FICD: variants seen among roughly 807,000 people sequenced by gnomAD.
FICD encodes FIC domain protein adenylyltransferase, also known as protein adenylyltransferase FICD.
FICD carries 13 observed loss-of-function variants against 28.0 expected under a neutral mutation model. The observed-to-expected ratio is 0.46, with a 90% CI of 0.30 to 0.74. FICD has a LOEUF of 0.74. Ranked by LOEUF, FICD falls within the 30% of genes least tolerant of loss-of-function variation. FICD has a pLI of 0.07. For missense variants in FICD, 576 were observed against 624.5 expected (o/e 0.92, Z 0.83); for synonymous variants, 268 against 266.4 (o/e 1.01, Z -0.06).
Position 108,518,410 on chromosome 12 carries a change from G to T in FICD, c.312G>T (p.Leu104Phe). The change falls in exon 3 of 3, where the codon TTG (leucine) becomes TTT (phenylalanine). Residue 104 changes from leucine to phenylalanine, a missense_variant. Physicochemically the swap from Leu to Phe is conservative, Grantham distance 22. Transcript: ENST00000552695. The surrounding 1 kb of genome is among the most constrained non-coding windows in gnomAD (Gnocchi z 4.4). The stretch of plus-strand genomic sequence containing the variant: ...TTGGCTCTCTTCCAGCGGGTAAGTT[G>T]GAAGCCAGAGCTGCCCTGAACCAGG... ...AKTKASPAGK[L>F]EARAALNQAL... The T allele has an allele frequency of 6.2e-7, 1 of 1,613,830 alleles. No homozygotes were observed. Among genetic ancestry groups the T allele is most frequent in the Non-Finnish European group, 8.5e-7 (1 of 1,179,780 alleles).
chr12:108,519,499 G>A lies in FICD; in HGVS notation c.*24G>A. ...AACCCTAGAAATCCTCAGTGACAAA[G>A]GCTGTCCTGAGGTAGGAAAAAAAAA... On this transcript the variant is annotated 3_prime_UTR_variant, in exon 3 of 3. Coordinates refer to ENST00000552695, the MANE Select transcript of FICD (RefSeq NM_007076.3). This position sits in a 1 kb window ranked among gnomAD's most constrained non-coding sequence, Gnocchi z 4.5. 6.7e-7 allele frequency: 1 copy of A among 1,498,702 alleles called. No individual in the cohort carries two copies. Among genetic ancestry groups the A allele is most frequent in the Non-Finnish European group, 9.1e-7 (1 of 1,096,092 alleles). 92.8% of individuals were successfully genotyped at this position (1,498,702 alleles called of 1,614,324 possible). A position where few individuals can be genotyped will look rare whatever the true frequency, so the allele number is the denominator to read the frequency against.
At position 108,515,376 on chromosome 12, in the gene FICD, A is replaced by C. The variant is rs1410834873; in HGVS notation, c.-59+15A>C. 3.9e-5 allele frequency: 6 copies of C among 152,136 alleles called. No homozygotes were observed. The highest frequency in any genetic ancestry group is 1.4e-4 in the African/African-American group (6 of 41,392). The allele number at this position is 152,136 out of a possible 1,614,324, so 9.4% of individuals were successfully genotyped here. A position where few individuals can be genotyped will look rare whatever the true frequency, so the allele number is the denominator to read the frequency against. ...AGCTGCGCGCGGTGAGAAGGGGAAA[A>C]GCCCTAGGGGCTCGAGAGGATGAAG... is the stretch of plus-strand genomic sequence containing the variant. On this transcript the variant is annotated intron_variant, in intron 1 of 2. Transcript: ENST00000552695.
In FICD at chr12:108,518,097, T is replaced by G. The variant is rs571992748; in HGVS notation, c.302-303T>G. 1 of 701,826 alleles carries G rather than the reference T, an allele frequency of 1.4e-6. No homozygotes were observed. Among genetic ancestry groups the G allele is most frequent in the African/African-American group, 1.7e-5 (1 of 57,314 alleles). 43.5% of individuals were successfully genotyped at this position (701,826 alleles called of 1,614,324 possible). ...GCAGAGAGGGCCCAGGCGAAGTAAA[T>G]GCCTAGAACTTTCTATGTCCAGAAA... On this transcript the variant is annotated intron_variant, in intron 2 of 2. Coordinates refer to ENST00000552695, the MANE Select transcript of FICD (RefSeq NM_007076.3). The surrounding 1 kb of genome is among the most constrained non-coding windows in gnomAD (Gnocchi z 4.4).
chr12:108,517,918 C>T (rs1344767436), intron 2 of FICD, among the ~76,000 whole-genome samples: 1 of 152,124 alleles, frequency 6.6e-6, no homozygotes, highest in African/African-American at 2.4e-5. Context: ...AAGAACAGTC[C>T]CGGGATGGTT....
At chr12:108,516,043 C>T (rs1023557990) in intron 1 of FICD, among the ~76,000 whole-genome samples, 44 of 152,210 alleles carry the variant, frequency 2.9e-4, no homozygotes, top group African/African-American at 1.1e-3. Flanking sequence ...CTGCTCAGCA[C>T]CTAGGACACC....
chr12:108,519,188 C>G lies in FICD; in HGVS notation c.1090C>G (p.Pro364Ala). ...LAHYKLVYIH[P>A]FIDGNGRTSR... ...CCATTATAAACTCGTTTACATCCAC[C>G]CTTTCATTGATGGCAACGGGAGGAC... Residue 364 changes from proline (P) to alanine (A), a missense_variant, in exon 3 of 3, where the codon CCT becomes GCT. By Grantham distance (27) the Pro-to-Ala change is conservative. Coordinates refer to ENST00000552695, the MANE Select transcript of FICD (RefSeq NM_007076.3). This position sits in a 1 kb window ranked among gnomAD's most constrained non-coding sequence, Gnocchi z 4.5. 2.5e-6 allele frequency: 4 copies of G among 1,614,244 alleles called. No individual in the cohort carries two copies. Among genetic ancestry groups the G allele is most frequent in the Non-Finnish European group, 3.4e-6 (4 of 1,180,034 alleles).
rs984575548 is a variant in FICD, at chr12:108,520,561, G to A, written c.*1086G>A. On this transcript the variant is annotated 3_prime_UTR_variant, in exon 3 of 3. Coordinates refer to ENST00000552695, the MANE Select transcript of FICD (RefSeq NM_007076.3). ...ACTGTCCCGTGTCCCATCCCCCTGG[G>A]AGGCAGAAGAGATTGCCTCGGAGTG... 1 of 152,218 alleles carries A rather than the reference G, an allele frequency of 6.6e-6. No individual in the cohort carries two copies. Among genetic ancestry groups the A allele is most frequent in the Non-Finnish European group, 1.5e-5 (1 of 68,050 alleles). 9.4% of individuals were successfully genotyped at this position (152,218 alleles called of 1,614,324 possible).
chr12:108,519,380 AC>A lies in FICD; in HGVS notation c.1285del (p.Leu429CysfsTer28), dbSNP rs761229130. The A allele has an allele frequency of 6.2e-7, 1 of 1,613,938 alleles. No individual in the cohort carries two copies. Among genetic ancestry groups the A allele is most frequent in the East Asian group, 2.2e-5 (1 of 44,860 alleles). Reference sequence around the variant, plus strand: ...CAAGTGTACTGAGACCACCCTGGACACCCTGCTTTTTGCCACAACTGAGTAC... The same window carrying A: ...CAAGTGTACTGAGACCACCCTGGACACCTGCTTTTTGCCACAACTGAGTAC... The part of the protein sequence containing the change: ...IAKCTETTLD[T>X]LLFATTEYSV... On this transcript the variant is annotated frameshift_variant, in exon 3 of 3. Coordinates refer to ENST00000552695, the MANE Select transcript of FICD (RefSeq NM_007076.3). LOFTEE classifies it high-confidence loss of function. This position sits in a 1 kb window ranked among gnomAD's most constrained non-coding sequence, Gnocchi z 4.5.
rs758478463 is a variant in FICD, at chr12:108,519,340, C to G, written c.1242C>G (p.Phe414Leu). 8 of 1,614,222 alleles carry G rather than the reference C, an allele frequency of 5.0e-6. No individual in the cohort carries two copies. The highest frequency in any genetic ancestry group is 2.7e-5 in the African/African-American group (2 of 75,054). Reference sequence around the variant, plus strand: ...CCAACGAGGGCGACGTGAGGCCTTTCATTCGCTTCATCGCCAAGTGTACTG... The same window carrying G: ...CCAACGAGGGCGACGTGAGGCCTTTGATTCGCTTCATCGCCAAGTGTACTG... ...EAANEGDVRP[F>L]IRFIAKCTET... Residue 414 changes from phenylalanine (F) to leucine (L), a missense_variant, in exon 3 of 3, where the codon TTC (phenylalanine) becomes TTG (leucine). Coordinates refer to ENST00000552695, the MANE Select transcript of FICD (RefSeq NM_007076.3). The surrounding 1 kb of genome is among the most constrained non-coding windows in gnomAD (Gnocchi z 4.5).
chr12:108,516,323 A>G (rs1429382006), intron 1 of FICD, among the ~76,000 whole-genome samples: 2 of 152,224 alleles, frequency 1.3e-5, no homozygotes, highest in Non-Finnish European at 2.9e-5. Context: ...AAATGAGGCC[A>G]CCCAACAATT....
At position 108,518,782 on chromosome 12, in the gene FICD, C is replaced by T. The variant is rs1284801002; in HGVS notation, c.684C>T (p.Tyr228=). The change falls in exon 3 of 3, where the codon TAC becomes TAT. Residue 228 remains tyrosine (Y), a synonymous_variant. Transcript: ENST00000552695. The surrounding 1 kb of genome is among the most constrained non-coding windows in gnomAD (Gnocchi z 4.4). ...VMEETYYHHI[Y]HTVAIEGNTL... is the part of the protein sequence containing the mutation. ...AGGAGACCTACTACCATCACATCTA[C>T]CACACAGTGGCCATCGAGGGCAACA... 6.2e-7 allele frequency: 1 copy of T among 1,614,072 alleles called. No individual in the cohort carries two copies. The highest frequency in any genetic ancestry group is 1.3e-5 in the African/African-American group (1 of 74,926).
At chr12:108,517,964 T>TC (rs1445915312) in intron 2 of FICD, among the ~76,000 whole-genome samples, 2 of 152,068 alleles carry the variant, frequency 1.3e-5, no homozygotes, top group African/African-American at 4.8e-5. Flanking sequence ...GGGGAGTTGT[T>TC]AACGCCTTTG....
In FICD at chr12:108,520,254, G is replaced by A. The variant is rs927032137; in HGVS notation, c.*779G>A. ...TCATTTGTAGCAACTCAGGCCAGATGTTTTCGTCTGAAATTCTCTGGGCTT... is the reference window on the plus strand; with the variant it reads ...TCATTTGTAGCAACTCAGGCCAGATATTTTCGTCTGAAATTCTCTGGGCTT... On this transcript the variant is annotated 3_prime_UTR_variant, in exon 3 of 3. Coordinates refer to ENST00000552695, the MANE Select transcript of FICD (RefSeq NM_007076.3). 1 of 152,072 alleles carries A rather than the reference G, an allele frequency of 6.6e-6. No homozygotes were observed. Among genetic ancestry groups the A allele is most frequent in the Non-Finnish European group, 1.5e-5 (1 of 68,018 alleles). 9.4% of individuals were successfully genotyped at this position (152,072 alleles called of 1,614,324 possible).
Position 108,519,599 on chromosome 12 carries a change from A to C in FICD, c.*124A>C. The C allele has an allele frequency of 2.0e-6, 1 of 496,936 alleles. No homozygotes were observed. The highest frequency in any genetic ancestry group is 3.1e-5 in the East Asian group (1 of 32,126). 30.8% of individuals were successfully genotyped at this position (496,936 alleles called of 1,614,324 possible). On this transcript the variant is annotated 3_prime_UTR_variant, in exon 3 of 3. Transcript: ENST00000552695. The surrounding 1 kb of genome is among the most constrained non-coding windows in gnomAD (Gnocchi z 4.5). ...AACATTCTTTACCTCCAAATGTTTTAGTTTTAAAAAAAAAAAAAAACTAAG... is the reference window on the plus strand; with the variant it reads ...AACATTCTTTACCTCCAAATGTTTTCGTTTTAAAAAAAAAAAAAAACTAAG...
At position 108,519,813 on chromosome 12, in the gene FICD, G is replaced by GGCCAA. The variant is rs1872046701; in HGVS notation, c.*340_*344dup. The GGCCAA allele has an allele frequency of 5.1e-6, 1 of 197,312 alleles. No homozygotes were observed. Among genetic ancestry groups the GGCCAA allele is most frequent in the Non-Finnish European group, 1.0e-5 (1 of 98,064 alleles). 12.2% of individuals were successfully genotyped at this position (197,312 alleles called of 1,614,324 possible). On this transcript the variant is annotated 3_prime_UTR_variant, in exon 3 of 3. Coordinates refer to ENST00000552695, the MANE Select transcript of FICD (RefSeq NM_007076.3). This position sits in a 1 kb window ranked among gnomAD's most constrained non-coding sequence, Gnocchi z 4.5. The stretch of plus-strand genomic sequence containing the variant: ...AGAATTTGCACTAAGGTGGAGGAGC[G>GGCCAA]GCCAAGAGGTGTGGGACGGGGCCCA...
rs756923197 is a variant in FICD, at chr12:108,518,701, A to G, written c.603A>G (p.Lys201=). The stretch of plus-strand genomic sequence containing the variant: ...GGTATTTCAGCATCATCGACAGCAA[A>G]GTGAAGAAGGTCATGTCCATCCCCA... The part of the protein sequence containing the change: ...DQRYFSIIDS[K]VKKVMSIPKG... The change falls in exon 3 of 3, where the codon AAA becomes AAG. Residue 201 remains lysine, a synonymous_variant. Transcript: ENST00000552695. The surrounding 1 kb of genome is among the most constrained non-coding windows in gnomAD (Gnocchi z 4.4). 5.9e-5 allele frequency: 95 copies of G among 1,614,088 alleles called. No individual in the cohort carries two copies. The highest frequency in any genetic ancestry group is 7.6e-5 in the Non-Finnish European group (90 of 1,180,050).
rs1872043687 is a variant in FICD, at chr12:108,519,712, G to A, written c.*237G>A. 3 of 426,250 alleles carry A rather than the reference G, an allele frequency of 7.0e-6. No individual in the cohort carries two copies. The South Asian group carries it at 1.2e-4, about 18-fold the overall frequency. 26.4% of individuals were successfully genotyped at this position (426,250 alleles called of 1,614,324 possible). ...AGCAAGCTAGTCAGTATTGTATGGT[G>A]TCTGCTGTGTCTTGCTGGTGGCCGT... On this transcript the variant is annotated 3_prime_UTR_variant, in exon 3 of 3. Transcript: ENST00000552695. This position sits in a 1 kb window ranked among gnomAD's most constrained non-coding sequence, Gnocchi z 4.5.
chr12:108,515,502 G>A (rs1871884145), intron 1 of FICD, 141 bp downstream of exon 1: 2 of 152,246 alleles, frequency 1.3e-5, no homozygotes, highest in African/African-American at 4.8e-5. Flanking sequence ...CCCTCTCCGG[G>A]CCTCAGTTCT....
Position 108,520,244 on chromosome 12 carries a change from C to G in FICD, c.*769C>G, listed in dbSNP as rs747410842. ...CTCTCACACTTCATTTGTAGCAACT[C>G]AGGCCAGATGTTTTCGTCTGAAATT... On this transcript the variant is annotated 3_prime_UTR_variant, in exon 3 of 3. Coordinates refer to ENST00000552695, the MANE Select transcript of FICD (RefSeq NM_007076.3). The G allele has an allele frequency of 7.9e-5, 12 of 152,084 alleles. 1 individual carries two copies. Among genetic ancestry groups the G allele is most frequent in the Non-Finnish European group, 1.8e-4 (12 of 68,034 alleles). The allele number at this position is 152,084 out of a possible 1,614,324, so 9.4% of individuals were successfully genotyped here.
Sources: allele counts gnomAD v4.1 joint callset (sites outside exome capture counted in the v4.1 genomes callset), GRCh38; gene constraint gnomAD v4.1.1; non-coding constraint Gnocchi (gnomAD v3.1); transcripts MANE v1.5; gene names NCBI Gene and HGNC (gene_info 2026-07-23, HGNC 2026-07-21).